CNTNAP3B: variants seen among roughly 807,000 people sequenced by gnomAD.
CNTNAP3B encodes the protein contactin associated protein family member 3B.
In CNTNAP3B, 25 loss-of-function variants were observed where a neutral mutation model predicts 108.9. The observed-to-expected ratio is 0.23, with a 90% CI of 0.17 to 0.32. The LOEUF (loss-of-function observed/expected upper bound fraction) is 0.32, where lower values mean the gene tolerates loss of function less well. CNTNAP3B is among the 10% of genes least tolerant of loss of function. The probability of loss-of-function intolerance (pLI) is 1.00; values close to 1 mark genes in which losing one functional copy is unlikely to be tolerated. For synonymous variants in CNTNAP3B, 103 were observed against 473.4 expected (o/e 0.22, Z 10.16); for missense variants, 252 against 1,210.4 (o/e 0.21, Z 11.75).
At position 42,077,566 on chromosome 9, in the gene CNTNAP3B, A is replaced by G; in HGVS notation, c.197-504T>C. ...CAATCCCACTTACATGTGGAATTCT[A>G]AAAAGTTGATTTCACAAAAGTACAG... is the stretch of plus-strand genomic sequence containing the variant. On this transcript the variant is annotated intron_variant, in intron 2 of 23. Transcript: ENST00000377561. Among the ~76,000 whole-genome samples the G allele has an allele frequency of 1.5e-5, 2 of 132,230 alleles. 1 individual carries two copies. 86.7% of individuals were successfully genotyped at this position (132,230 alleles called of 152,430 possible). A position where few individuals can be genotyped will look rare whatever the true frequency, so the allele number is the denominator to read the frequency against.
intron 12 of CNTNAP3B, among the ~76,000 whole-genome samples, chr9:41,959,425 C>A: frequency 6.6e-6 from 1 of 152,420 alleles, no homozygotes; most frequent in Middle Eastern, 3.4e-3. Context: ...ATTCCCCTAC[C>A]ATTAGCTAGA....
chr9:41,924,682 CACACA>C (rs1264246985), intron 15 of CNTNAP3B, among the ~76,000 whole-genome samples: 10 of 147,172 alleles, frequency 6.8e-5, no homozygotes, highest in African/African-American at 2.5e-4. Flanking sequence ...CACACACACA[CACACA>C]CACAGTCTTA....
At chr9:41,997,480 G>A (rs1335051413) in intron 6 of CNTNAP3B, 88 bp downstream of exon 6, 1 of 1,435,784 alleles carries the variant, frequency 7.0e-7, no homozygotes, top group East Asian at 2.6e-5. Context: ...AGTCAACTTA[G>A]TTATGAATTA....
At chr9:42,046,666 CTTT>C (rs1564182596) in intron 3 of CNTNAP3B, among the ~76,000 whole-genome samples, 1 of 94,070 alleles carries the variant, frequency 1.1e-5, no homozygotes, top group Non-Finnish European at 2.2e-5. Flanking sequence ...ATGTTCCCTT[CTTT>C]TTAACTTTCA....
intron 12 of CNTNAP3B, among the ~76,000 whole-genome samples, chr9:41,958,270 TTTG>T (rs1201502625): frequency 2.2e-4 from 33 of 152,294 alleles, no homozygotes; most frequent in African/African-American, 6.5e-4. Flanking sequence ...ACCATGCTGT[TTTG>T]TTGTTGTTGT....
intron 2 of CNTNAP3B, among the ~76,000 whole-genome samples, chr9:42,089,718 C>T (rs1211286997): frequency 6.8e-6 from 1 of 147,768 alleles, no homozygotes; most frequent in East Asian, 2.0e-4. Context: ...CATGGAAGGA[C>T]ATCTGAATAG....
chr9:41,924,592 T>C (rs1362619726), intron 15 of CNTNAP3B, among the ~76,000 whole-genome samples: 1 of 150,556 alleles, frequency 6.6e-6, no homozygotes, highest in Non-Finnish European at 1.5e-5. Flanking sequence ...TTGAAGGAGG[T>C]AGTTGGAAAA....
chr9:41,990,762 C>T (rs1825791288), intron 8 of CNTNAP3B, among the ~76,000 whole-genome samples: 1 of 134,246 alleles, frequency 7.4e-6, no homozygotes, highest in African/African-American at 3.0e-5. Context: ...ATCCAATCAT[C>T]AAAATCCAGC....
rs1052820218 is a variant in CNTNAP3B, at chr9:42,033,155, C to A, written c.391-19630G>T. ...ATCAAAATCTGTTTCTCAGTGCAAA[C>A]TTTCTAAAGTTAGGCTTTACAAAAG... On this transcript the variant is annotated intron_variant, in intron 3 of 23. Transcript: ENST00000377561. Among the ~76,000 whole-genome samples, 9 of 137,210 alleles carry A rather than the reference C, an allele frequency of 6.6e-5. 2 individuals carry two copies. Among genetic ancestry groups the A allele is most frequent in the African/African-American group, 1.7e-4 (6 of 34,502 alleles). The allele number at this position is 137,210 out of a possible 152,430, so 90.0% of individuals were successfully genotyped here.
intron 3 of CNTNAP3B, among the ~76,000 whole-genome samples, chr9:42,046,098 C>T (rs1253041991): frequency 7.9e-6 from 1 of 126,010 alleles, no homozygotes; most frequent in Non-Finnish European, 1.7e-5. Context: ...GCTGTGGGCT[C>T]ACTTTGCAAA....
At chr9:41,957,679 A>T (rs1184266922) in intron 12 of CNTNAP3B, among the ~76,000 whole-genome samples, 1 of 151,870 alleles carries the variant, frequency 6.6e-6, no homozygotes, top group Non-Finnish European at 1.5e-5. Context: ...TTTCCATATT[A>T]ATTATAGTTG....
chr9:42,122,244 T>C (rs1285045098), intron 1 of CNTNAP3B, among the ~76,000 whole-genome samples: 1 of 140,062 alleles, frequency 7.1e-6, no homozygotes, highest in Non-Finnish European at 1.5e-5. Flanking sequence ...TCAAAATCTA[T>C]GTGATATTTT....
At chr9:41,994,917 T>G in intron 7 of CNTNAP3B, 1 of 116,832 alleles carries the variant, frequency 8.6e-6, no homozygotes, top group Non-Finnish European at 1.5e-5. Flanking sequence ...CTTTAAACAT[T>G]GAAAGAAGTT....
intron 2 of CNTNAP3B, among the ~76,000 whole-genome samples, chr9:42,097,072 T>G (rs1279322746): frequency 7.1e-6 from 1 of 139,904 alleles, no homozygotes; most frequent in Non-Finnish European, 1.5e-5. Flanking sequence ...GTTTTTGATG[T>G]TAGGTGTGCC....
At position 42,034,206 on chromosome 9, in the gene CNTNAP3B, C is replaced by G. The variant is rs1160752748; in HGVS notation, c.391-20681G>C. Among the ~76,000 whole-genome samples the G allele has an allele frequency of 2.5e-4, 34 of 135,850 alleles. 9 individuals are homozygous for G. The highest frequency in any genetic ancestry group is 1.0e-3 in the African/African-American group (34 of 33,618). 89.1% of individuals were successfully genotyped at this position (135,850 alleles called of 152,430 possible). On this transcript the variant is annotated intron_variant, in intron 3 of 23. Transcript: ENST00000377561. ...TATATGTATCTATCTATCTATCTAT[C>G]TATCTATTTCTCATCTATACATAAT...
At chr9:42,106,493 T>TA (rs774050504) in intron 1 of CNTNAP3B, among the ~76,000 whole-genome samples, 5 of 123,080 alleles carry the variant, frequency 4.1e-5, no homozygotes, top group Non-Finnish European at 8.4e-5. Flanking sequence ...GCAGAGCTGT[T>TA]AAGAAAGGTT....
At chr9:42,045,210 T>A (rs1028018864) in intron 3 of CNTNAP3B, among the ~76,000 whole-genome samples, 2 of 103,192 alleles carry the variant, frequency 1.9e-5, no homozygotes, top group African/African-American at 4.4e-5. Flanking sequence ...CTAAGAAGCA[T>A]TTCCATTGCA....
At chr9:41,934,947 A>G (rs1489920637) in intron 14 of CNTNAP3B, among the ~76,000 whole-genome samples, 15 of 152,292 alleles carry the variant, frequency 9.8e-5, no homozygotes, top group African/African-American at 3.6e-4. Context: ...TTAAATTCTT[A>G]AGTAAAATAA....
intron 14 of CNTNAP3B, among the ~76,000 whole-genome samples, chr9:41,934,489 G>T (rs1446698740): frequency 6.6e-6 from 1 of 152,238 alleles, no homozygotes; most frequent in Non-Finnish European, 1.5e-5. Flanking sequence ...CCAAAGTGCT[G>T]GGATTACAGG....
Sources: allele counts gnomAD v4.1 joint callset (sites outside exome capture counted in the v4.1 genomes callset), GRCh38; gene constraint gnomAD v4.1.1; transcripts MANE v1.5; gene names NCBI Gene and HGNC (gene_info 2026-07-23, HGNC 2026-07-21).